SCHIP1: variants seen among roughly 807,000 people sequenced by gnomAD.
SCHIP1 encodes the protein schwannomin-interacting protein 1.
A neutral mutation model predicts 29.7 loss-of-function variants in SCHIP1; 8 were observed. The ratio of observed to expected loss-of-function variants is 0.27; its 90% CI spans 0.16 to 0.49. The LOEUF (loss-of-function observed/expected upper bound fraction) is 0.49. Ranked by LOEUF, SCHIP1 falls within the 20% of genes least tolerant of loss-of-function variation. The probability of loss-of-function intolerance (pLI) is 0.99; values close to 1 mark genes in which losing one functional copy is unlikely to be tolerated. For synonymous variants in SCHIP1, 76 were observed against 94.9 expected (o/e 0.80, Z 1.16); for missense variants, 193 against 294.6 (o/e 0.66, Z 2.52).
chr3:159,622,759 A>G, the SCHIP1 span, among the ~76,000 whole-genome samples: 1 of 152,114 alleles, frequency 6.6e-6, no homozygotes, highest in Non-Finnish European at 1.5e-5. Context: ...TCTACTAAAA[A>G]TACAAAAAAA....
the SCHIP1 span, among the ~76,000 whole-genome samples, chr3:159,714,962 C>A: frequency 1.3e-5 from 2 of 152,232 alleles, no homozygotes; most frequent in African/African-American, 4.8e-5. Flanking sequence ...GGGCCCCTAA[C>A]CCCCGAGTAG....
At chr3:159,810,358 T>C in the SCHIP1 span, among the ~76,000 whole-genome samples, 5 of 152,196 alleles carry the variant, frequency 3.3e-5, no homozygotes, top group African/African-American at 1.2e-4. Flanking sequence ...AATTCACCTG[T>C]TTTAAATGCA....
intron 5 of SCHIP1, among the ~76,000 whole-genome samples, chr3:159,891,450 ATAGATTTCAT>A (rs1328228173): frequency 6.6e-6 from 1 of 152,168 alleles, no homozygotes; most frequent in East Asian, 1.9e-4. Flanking sequence ...TTCTGTCTCT[ATAGATTTCAT>A]TCCTGGTATA....
the SCHIP1 span, among the ~76,000 whole-genome samples, chr3:159,803,863 A>C: frequency 6.6e-6 from 1 of 152,210 alleles, no homozygotes; most frequent in Non-Finnish European, 1.5e-5. Context: ...ATTTCACTTA[A>C]GCTTCAGAGC....
intron 1 of SCHIP1, among the ~76,000 whole-genome samples, chr3:159,863,387 A>G (rs1714263146): frequency 6.6e-6 from 1 of 152,114 alleles, no homozygotes; most frequent in Non-Finnish European, 1.5e-5. Context: ...AATTTGACAC[A>G]ACTCAAATGG....
At chr3:159,423,016 A>T in the SCHIP1 span, among the ~76,000 whole-genome samples, 1 of 152,228 alleles carries the variant, frequency 6.6e-6, no homozygotes, top group Non-Finnish European at 1.5e-5. Flanking sequence ...TTGTTCTCCC[A>T]AAAGAAAAAC....
chr3:159,587,500 A>G, the SCHIP1 span, among the ~76,000 whole-genome samples: 1 of 152,152 alleles, frequency 6.6e-6, no homozygotes, highest in Non-Finnish European at 1.5e-5. Context: ...TTTAAGTTCT[A>G]GGGTACACGT....
chr3:159,301,603 G>C, the SCHIP1 span, among the ~76,000 whole-genome samples: 2 of 152,122 alleles, frequency 1.3e-5, no homozygotes, highest in Non-Finnish European at 2.9e-5. Context: ...AGATTATGGG[G>C]ATGGATTTCC....
chr3:159,407,677 T>A, the SCHIP1 span, among the ~76,000 whole-genome samples: 4 of 152,202 alleles, frequency 2.6e-5, no homozygotes, highest in Admixed American at 2.0e-4. Flanking sequence ...GAAATAATAT[T>A]ACATATCTTC....
intron 1 of SCHIP1, among the ~76,000 whole-genome samples, chr3:159,855,799 A>G (rs1386015657): frequency 6.6e-6 from 1 of 152,122 alleles, no homozygotes; most frequent in African/African-American, 2.4e-5. Flanking sequence ...CCACATGTGT[A>G]TAGGGATTAT....
the SCHIP1 span, among the ~76,000 whole-genome samples, chr3:159,704,074 T>G: frequency 6.0e-4 from 92 of 152,296 alleles, no homozygotes; most frequent in African/African-American, 2.1e-3. Context: ...CTTTCCTACG[T>G]TGAGTGCCAG....
chr3:159,739,552 AT>A, the SCHIP1 span, among the ~76,000 whole-genome samples: 2 of 152,084 alleles, frequency 1.3e-5, no homozygotes, highest in African/African-American at 4.8e-5. Flanking sequence ...TCCTTGAGAG[AT>A]TTTTTTCAGT....
chr3:159,819,536 A>G, the SCHIP1 span, among the ~76,000 whole-genome samples: 1 of 152,200 alleles, frequency 6.6e-6, no homozygotes, highest in Admixed American at 6.5e-5. Flanking sequence ...CAGCATCACT[A>G]CTAAAAGTAA....
At chr3:159,752,603 A>G in the SCHIP1 span, among the ~76,000 whole-genome samples, 10 of 152,152 alleles carry the variant, frequency 6.6e-5, no homozygotes, top group South Asian at 2.1e-3. Context: ...GGTGTCTCGC[A>G]TGGTGGAAGC....
chr3:159,471,381 G>C, the SCHIP1 span, among the ~76,000 whole-genome samples: 1 of 152,186 alleles, frequency 6.6e-6, no homozygotes, highest in Admixed American at 6.6e-5. Context: ...AGATTCTTCA[G>C]TAAATTGTCA....
chr3:159,517,498 T>C, the SCHIP1 span, among the ~76,000 whole-genome samples: 20 of 152,296 alleles, frequency 1.3e-4, no homozygotes, highest in East Asian at 3.7e-3. Flanking sequence ...GATAAAGCAT[T>C]TTAAGAAAGT....
the SCHIP1 span, among the ~76,000 whole-genome samples, chr3:159,347,632 T>C: frequency 6.6e-6 from 1 of 152,220 alleles, no homozygotes; most frequent in East Asian, 1.9e-4. Context: ...TGTCTTAAAA[T>C]ATCTCTTCTG....
chr3:159,809,675 AAAG>A, the SCHIP1 span, among the ~76,000 whole-genome samples: 1 of 152,054 alleles, frequency 6.6e-6, no homozygotes, highest in African/African-American at 2.4e-5. Context: ...AAAAAAAAAA[AAAG>A]AAGCTAATTT....
At chr3:159,671,752 A>T in the SCHIP1 span, among the ~76,000 whole-genome samples, 1 of 152,296 alleles carries the variant, frequency 6.6e-6, no homozygotes, top group East Asian at 1.9e-4. Flanking sequence ...TAATGAGTTC[A>T]TGATATTTTT....
Sources: gnomAD v4.1 joint callset for allele counts (sites outside exome capture counted in the v4.1 genomes callset) on GRCh38, gnomAD v4.1.1 for gene constraint, MANE v1.5 for transcripts, NCBI Gene and HGNC (gene_info 2026-07-23, HGNC 2026-07-21) for gene names.